VPS13B: variants seen among roughly 807,000 people sequenced by gnomAD.
VPS13B encodes the protein intermembrane lipid transfer protein VPS13B.
In VPS13B, 285 loss-of-function variants were observed where a neutral mutation model predicts 426.4. That is an observed-to-expected ratio of 0.67 (90% CI 0.61 to 0.74). The LOEUF is 0.74. VPS13B is among the 30% of genes least tolerant of loss of function. The pLI, the probability that VPS13B is intolerant of heterozygous loss-of-function variation, is 0.00. For synonymous variants in VPS13B, 1,676 were observed against 1,676.4 expected, an observed-to-expected ratio of 1.00 and a Z score of 0.01; for missense variants, 4,537 against 4,782.6, an observed-to-expected ratio of 0.95 and a Z score of 1.51.
intron 33 of VPS13B, among the ~76,000 whole-genome samples, chr8:99,591,436 C>G (rs1826669977): frequency 6.6e-6 from 1 of 152,084 alleles, no homozygotes; most frequent in Admixed American, 6.6e-5. Context: ...GATGCAGTTT[C>G]TTCATAGCAT....
chr8:99,317,018 A>G (rs1809703741), intron 19 of VPS13B, among the ~76,000 whole-genome samples: 1 of 152,258 alleles, frequency 6.6e-6, no homozygotes, highest in Non-Finnish European at 1.5e-5. Flanking sequence ...TGTCAGCTAT[A>G]AGAAATGGTG....
chr8:99,806,375 A>G (rs1244503055), intron 43 of VPS13B, among the ~76,000 whole-genome samples: 1 of 152,104 alleles, frequency 6.6e-6, no homozygotes, highest in African/African-American at 2.4e-5. Context: ...TTGAAATCCT[A>G]CCCAAACTCT....
intron 17 of VPS13B, among the ~76,000 whole-genome samples, chr8:99,232,853 G>A (rs113176745): frequency 0.056 from 8,543 of 152,218 alleles, 272 homozygotes; most frequent in African/African-American, 0.089. Flanking sequence ...TGGCAAACCT[G>A]GCTGACCTTC....
At chr8:99,663,895 A>G (rs1187922406) in intron 35 of VPS13B, among the ~76,000 whole-genome samples, 1 of 152,230 alleles carries the variant, frequency 6.6e-6, no homozygotes, top group Non-Finnish European at 1.5e-5. Context: ...ATTAGATACA[A>G]TATTTTCAAG....
intron 44 of VPS13B, among the ~76,000 whole-genome samples, chr8:99,815,880 G>A (rs888853465): frequency 6.6e-6 from 1 of 152,154 alleles, no homozygotes. Flanking sequence ...CACCCAGGGT[G>A]GAGTACAGTG....
intron 16 of VPS13B, among the ~76,000 whole-genome samples, chr8:99,192,534 T>A (rs72672316): frequency 0.065 from 9,911 of 152,274 alleles, 347 homozygotes; most frequent in South Asian, 0.098. Flanking sequence ...TCTAGAACAA[T>A]GCAGGTTTGC....
At chr8:99,179,236 C>G (rs963778258) in intron 16 of VPS13B, among the ~76,000 whole-genome samples, 1 of 152,122 alleles carries the variant, frequency 6.6e-6, no homozygotes, top group Non-Finnish European at 1.5e-5. Context: ...GACAGGTGTT[C>G]TTAAATACTG....
At chr8:99,199,312 C>A (rs1420879793) in intron 17 of VPS13B, among the ~76,000 whole-genome samples, 7 of 152,112 alleles carry the variant, frequency 4.6e-5, no homozygotes, top group Admixed American at 3.9e-4. Flanking sequence ...GCTGGGACTA[C>A]AGGTGCCTGC....
intron 17 of VPS13B, among the ~76,000 whole-genome samples, chr8:99,201,880 A>G (rs1814349968): frequency 6.6e-6 from 1 of 152,220 alleles, no homozygotes; most frequent in South Asian, 2.1e-4. Context: ...CAATAACTAT[A>G]TATGACTAAA....
chr8:99,582,933 G>A (rs1826141736), intron 33 of VPS13B, among the ~76,000 whole-genome samples: 1 of 152,188 alleles, frequency 6.6e-6, no homozygotes, highest in African/African-American at 2.4e-5. Flanking sequence ...GGGATTACAG[G>A]CGTGAGCCAC....
intron 33 of VPS13B, among the ~76,000 whole-genome samples, chr8:99,618,282 CAAAAAAAA>C (rs11301760): frequency 2.6e-5 from 3 of 117,192 alleles, no homozygotes; most frequent in African/African-American, 6.1e-5. Context: ...GTGTATATTT[CAAAAAAAA>C]AAAAAAAAAA....
At position 99,156,620 on chromosome 8, in the gene VPS13B, G is replaced by A. The variant is rs1469258576; in HGVS notation, c.2085G>A (p.Val695=). 1 of 1,614,066 alleles carries A rather than the reference G, an allele frequency of 6.2e-7. No individual in the cohort carries two copies. Residue 695 remains valine (V), a synonymous_variant, in exon 15 of 62, where the codon GTG becomes GTA. Coordinates refer to ENST00000357162, the MANE Select transcript of VPS13B (RefSeq NM_152564.5). The part of the protein sequence containing the change: ...LRPLPSIRIL[V]DKINLEHSVP... Reference sequence around the variant, plus strand: ...CTTTGCCATCCATTCGAATATTGGTGGATAAAATTAATCTGGAACATTCAG... The same window carrying A: ...CTTTGCCATCCATTCGAATATTGGTAGATAAAATTAATCTGGAACATTCAG...
At chr8:99,256,909 T>C (rs1817772375) in intron 17 of VPS13B, among the ~76,000 whole-genome samples, 1 of 152,210 alleles carries the variant, frequency 6.6e-6, no homozygotes, top group Non-Finnish European at 1.5e-5. Context: ...ATTTTTTTAA[T>C]GACTGCTTCT....
At chr8:99,134,038 C>G (rs912540597) in intron 8 of VPS13B, among the ~76,000 whole-genome samples, 1 of 152,180 alleles carries the variant, frequency 6.6e-6, no homozygotes, top group Admixed American at 6.5e-5. Context: ...GAGTGCAATA[C>G]AATGAGGTTC....
At chr8:99,603,195 A>G (rs1262202135) in intron 33 of VPS13B, among the ~76,000 whole-genome samples, 1 of 152,206 alleles carries the variant, frequency 6.6e-6, no homozygotes, top group African/African-American at 2.4e-5. Flanking sequence ...TAACATTAGG[A>G]TGCAGGATAT....
intron 19 of VPS13B, chr8:99,340,667 G>T: frequency 2.5e-6 from 1 of 406,138 alleles, no homozygotes; most frequent in Non-Finnish European, 4.8e-6. Flanking sequence ...AGGAGGCTGA[G>T]GAATAGTTGA....
chr8:99,661,195 G>A (rs753317747), intron 34 of VPS13B, among the ~76,000 whole-genome samples, 159 bp from the exon 35 acceptor site: 6 of 152,068 alleles, frequency 3.9e-5, no homozygotes, highest in Non-Finnish European at 5.9e-5. Context: ...TTTTCAGCGC[G>A]AGTGCTTGTT....
At chr8:99,016,506 C>CTT (rs201275543) in intron 2 of VPS13B, among the ~76,000 whole-genome samples, 15 of 93,200 alleles carry the variant, frequency 1.6e-4, no homozygotes, top group South Asian at 3.3e-4. Flanking sequence ...ATTTAGCTAT[C>CTT]TTTTTTTTTT....
At chr8:99,770,636 A>G (rs1238685621) in intron 40 of VPS13B, among the ~76,000 whole-genome samples, 1 of 152,242 alleles carries the variant, frequency 6.6e-6, no homozygotes, top group African/African-American at 2.4e-5. Context: ...TGGTAGAGGA[A>G]CACAGCTAAT....
Sources: allele counts gnomAD v4.1 joint callset (sites outside exome capture counted in the v4.1 genomes callset), GRCh38; gene constraint gnomAD v4.1.1; transcripts MANE v1.5; gene names NCBI Gene and HGNC (gene_info 2026-07-23, HGNC 2026-07-21).